The following INPP4B variants were observed in gnomAD, a reference collection of about 807,000 sequenced individuals.
INPP4B encodes inositol polyphosphate-4-phosphatase type II B, also known as inositol polyphosphate 4-phosphatase type II.
INPP4B carries 55 observed loss-of-function variants against 122.5 expected under a neutral mutation model. The observed-to-expected ratio is 0.45, with a 90% CI of 0.36 to 0.56. The LOEUF (loss-of-function observed/expected upper bound fraction) is 0.56, where lower values mean the gene tolerates loss of function less well. Among genes scored for constraint, INPP4B ranks in the 20% least tolerant of loss-of-function variants. The probability of loss-of-function intolerance (pLI) is 0.00; values close to 1 mark genes in which losing one functional copy is unlikely to be tolerated. For missense variants in INPP4B, 1,000 were observed against 1,097.7 expected (o/e 0.91, Z 1.26); for synonymous variants, 403 against 388.7 (o/e 1.04, Z -0.43).
intron 23 of INPP4B, 53 bp downstream of exon 23, chr4:142,108,040 A>T (rs1788036233): frequency 8.5e-6 from 8 of 941,132 alleles, no homozygotes; most frequent in Non-Finnish European, 6.8e-6. Context: ...CCTCTTCTAA[A>T]GATTTATAAT....
At chr4:142,442,436 A>G (rs1580074388) in intron 3 of INPP4B, among the ~76,000 whole-genome samples, 1 of 142,490 alleles carries the variant, frequency 7.0e-6, no homozygotes, top group Non-Finnish European at 1.6e-5. Flanking sequence ...AAAAAGAGAG[A>G]GAAGAAAAAA....
At chr4:142,072,116 A>G (rs946192133) in intron 25 of INPP4B, among the ~76,000 whole-genome samples, 5 of 152,226 alleles carry the variant, frequency 3.3e-5, no homozygotes, top group Admixed American at 1.3e-4. Flanking sequence ...GACTGGATTA[A>G]GAAAATGTGG....
At chr4:142,070,061 G>T (rs1766108127) in intron 25 of INPP4B, among the ~76,000 whole-genome samples, 1 of 152,150 alleles carries the variant, frequency 6.6e-6, no homozygotes, top group South Asian at 2.1e-4. Context: ...CAATATCCCT[G>T]AAGAACATCG....
intron 8 of INPP4B, among the ~76,000 whole-genome samples, chr4:142,306,948 T>C (rs779655841): frequency 3.9e-5 from 6 of 152,166 alleles, no homozygotes; most frequent in Non-Finnish European, 5.9e-5. Flanking sequence ...TACCCAAATA[T>C]TGCTAATGAT....
At chr4:142,259,436 C>T (rs987993938) in intron 11 of INPP4B, among the ~76,000 whole-genome samples, 3 of 150,880 alleles carry the variant, frequency 2.0e-5, no homozygotes, top group South Asian at 2.1e-4. Flanking sequence ...TGGAGAAGGG[C>T]GCGTGGGTAA....
At chr4:142,286,362 G>T (rs569494862) in intron 9 of INPP4B, among the ~76,000 whole-genome samples, 1 of 152,250 alleles carries the variant, frequency 6.6e-6, no homozygotes, top group Middle Eastern at 3.4e-3. Context: ...GTAAGAAAAA[G>T]AATATATTTT....
chr4:142,190,731 T>A (rs1358578167), intron 15 of INPP4B, among the ~76,000 whole-genome samples: 3 of 144,644 alleles, frequency 2.1e-5, no homozygotes, highest in African/African-American at 7.8e-5. Flanking sequence ...TGTGTGTGTG[T>A]GTGTGTGTGT....
intron 1 of INPP4B, among the ~76,000 whole-genome samples, chr4:142,728,015 C>T (rs1193677942): frequency 1.3e-5 from 2 of 152,072 alleles, no homozygotes; most frequent in African/African-American, 4.8e-5. Context: ...GTATGTCTTT[C>T]CAGGAAGATG....
chr4:142,679,365 G>A (rs571117825), intron 2 of INPP4B, among the ~76,000 whole-genome samples: 1 of 151,782 alleles, frequency 6.6e-6, no homozygotes, highest in South Asian at 2.1e-4. Flanking sequence ...AAATAGTGAG[G>A]GTATTTGTTT....
At chr4:142,098,037 G>A (rs559185594) in intron 23 of INPP4B, among the ~76,000 whole-genome samples, 87 of 152,208 alleles carry the variant, frequency 5.7e-4, no homozygotes, top group African/African-American at 1.6e-3. Context: ...GGGTTCCAGC[G>A]GGCAAGAGAT....
intron 1 of INPP4B, 60 bp from the exon 2 acceptor site, chr4:142,725,961 C>T (rs1765300203): frequency 5.0e-6 from 2 of 396,522 alleles, no homozygotes; most frequent in Non-Finnish European, 4.5e-6. Context: ...TCTTTAAATG[C>T]TTCTTAAAGA....
intron 7 of INPP4B, among the ~76,000 whole-genome samples, chr4:142,401,327 A>T (rs1478226373): frequency 6.6e-6 from 1 of 152,152 alleles, no homozygotes; most frequent in Non-Finnish European, 1.5e-5. Context: ...GCTGGTCTAA[A>T]TATCCCAGCT....
intron 2 of INPP4B, among the ~76,000 whole-genome samples, chr4:142,649,227 C>T (rs1174744805): frequency 6.6e-6 from 1 of 152,174 alleles, no homozygotes; most frequent in Non-Finnish European, 1.5e-5. Flanking sequence ...TCACCAACAT[C>T]AAAGACCAAA....
At chr4:142,054,926 G>T (rs1267688710) in intron 25 of INPP4B, among the ~76,000 whole-genome samples, 1 of 151,996 alleles carries the variant, frequency 6.6e-6, no homozygotes, top group Non-Finnish European at 1.5e-5. Context: ...TTGCATGGCT[G>T]CTTTAAAATC....
chr4:142,192,279 G>C (rs934754304), intron 15 of INPP4B, among the ~76,000 whole-genome samples: 13 of 61,212 alleles, frequency 2.1e-4, no homozygotes, highest in Non-Finnish European at 4.1e-4. Flanking sequence ...ATTCACCATG[G>C]TTAAAAAAAA....
At chr4:142,470,135 A>T (rs1021140979) in intron 2 of INPP4B, among the ~76,000 whole-genome samples, 1 of 152,088 alleles carries the variant, frequency 6.6e-6, no homozygotes, top group Non-Finnish European at 1.5e-5. Context: ...AAGAAATTAT[A>T]AAGAAAACGC....
At chr4:142,728,627 C>A (rs1765647601) in intron 1 of INPP4B, among the ~76,000 whole-genome samples, 1 of 152,114 alleles carries the variant, frequency 6.6e-6, no homozygotes, top group Non-Finnish European at 1.5e-5. Flanking sequence ...AAGACACACA[C>A]AGACAGAGTG....
intron 7 of INPP4B, among the ~76,000 whole-genome samples, chr4:142,356,522 G>A (rs1783664577): frequency 6.6e-6 from 1 of 151,830 alleles, no homozygotes; most frequent in Non-Finnish European, 1.5e-5. Flanking sequence ...CAGGAGTGAT[G>A]AGGAGCTGGG....
chr4:142,417,756 T>G (rs1806073244), intron 5 of INPP4B, among the ~76,000 whole-genome samples: 1 of 152,028 alleles, frequency 6.6e-6, no homozygotes, highest in Non-Finnish European at 1.5e-5. Context: ...GAATGATGAA[T>G]TTTTCAGGAT....
Sources: allele counts gnomAD v4.1 joint callset (sites outside exome capture counted in the v4.1 genomes callset), GRCh38; gene constraint gnomAD v4.1.1; transcripts MANE v1.5; gene names NCBI Gene and HGNC (gene_info 2026-07-23, HGNC 2026-07-21).